SLC16A12: variants seen among roughly 807,000 people sequenced by gnomAD.
SLC16A12 encodes the protein monocarboxylate transporter 12.
A neutral mutation model predicts 42.4 loss-of-function variants in SLC16A12; 17 were observed. The ratio of observed to expected loss-of-function variants is 0.40; its 90% CI spans 0.27 to 0.60. The LOEUF (loss-of-function observed/expected upper bound fraction) is 0.60. SLC16A12 is among the 20% of genes least tolerant of loss of function. The pLI is 0.42. For missense variants in SLC16A12, 544 were observed against 623.0 expected, an observed-to-expected ratio of 0.87 and a Z score of 1.35; for synonymous variants, 224 against 229.4, an observed-to-expected ratio of 0.98 and a Z score of 0.21.
intron 2 of SLC16A12, chr10:89,462,868 C>T (rs909179353): frequency 7.1e-5 from 25 of 350,442 alleles, no homozygotes; most frequent in African/African-American, 1.3e-4. Flanking sequence ...TTTCCCTAGC[C>T]TCTCTTGAAG....
intron 2 of SLC16A12, among the ~76,000 whole-genome samples, chr10:89,507,602 C>T (rs1481972014): frequency 6.6e-6 from 1 of 152,152 alleles, no homozygotes; most frequent in Non-Finnish European, 1.5e-5. Context: ...AAGGAACAAC[C>T]GGCATCAGCC....
At position 89,433,308 on chromosome 10, in the gene SLC16A12, G is replaced by T; in HGVS notation, c.1307C>A (p.Thr436Asn). 6.2e-7 allele frequency: 1 copy of T among 1,614,010 alleles called. No individual in the cohort carries two copies. The highest frequency in any genetic ancestry group is 8.5e-7 in the Non-Finnish European group (1 of 1,179,992). ...PPIAGRLVDT[T>N]GSYTAAFLLC... Reference sequence around the variant, plus strand: ...GAGGAATGCTGCAGTGTAGCTGCCGGTGGTATCTACCAGCCGTCCTGTAAC... The same window carrying T: ...GAGGAATGCTGCAGTGTAGCTGCCGTTGGTATCTACCAGCCGTCCTGTAAC... The change falls in exon 8 of 8, where the codon ACC (threonine) becomes AAC (asparagine). Residue 436 changes from threonine to asparagine, a missense_variant. Thr to Asn is a moderately conservative substitution (Grantham distance 65). Transcript: ENST00000371790.
chr10:89,517,282 C>T (rs56272844), intron 2 of SLC16A12, among the ~76,000 whole-genome samples: 12,015 of 151,658 alleles, frequency 0.079, 750 homozygotes, highest in East Asian at 0.3. Context: ...GGCAGGGCGA[C>T]GGGACAGAAT....
chr10:89,486,716 A>G, intron 2 of SLC16A12, among the ~76,000 whole-genome samples: 1 of 131,632 alleles, frequency 7.6e-6, no homozygotes. Context: ...GAAAGAAAGA[A>G]AAAAAGAGAA....
intron 2 of SLC16A12, among the ~76,000 whole-genome samples, chr10:89,495,595 T>C (rs780526445): frequency 1.3e-5 from 2 of 152,210 alleles, no homozygotes; most frequent in Non-Finnish European, 2.9e-5. Flanking sequence ...CCTAACCCAC[T>C]GACCATCCTA....
At chr10:89,531,470 G>A (rs979052627) in intron 2 of SLC16A12, among the ~76,000 whole-genome samples, 4 of 152,150 alleles carry the variant, frequency 2.6e-5, no homozygotes, top group African/African-American at 4.8e-5. Flanking sequence ...ACCGCTGTAA[G>A]CATGCACCTG....
intron 2 of SLC16A12, among the ~76,000 whole-genome samples, chr10:89,482,549 G>A (rs1290459142): frequency 1.3e-5 from 2 of 152,184 alleles, no homozygotes; most frequent in African/African-American, 4.8e-5. Flanking sequence ...GGGAGGCTGA[G>A]GTGGGCAAAT....
intron 2 of SLC16A12, among the ~76,000 whole-genome samples, chr10:89,515,604 G>A (rs1843238232): frequency 6.6e-6 from 1 of 152,172 alleles, no homozygotes; most frequent in Non-Finnish European, 1.5e-5. Flanking sequence ...CTCAAGAAAA[G>A]GCATATGGTT....
intron 2 of SLC16A12, among the ~76,000 whole-genome samples, chr10:89,489,181 C>T (rs946359157): frequency 6.6e-6 from 1 of 152,138 alleles, no homozygotes; most frequent in Non-Finnish European, 1.5e-5. Flanking sequence ...TTGACCCCAA[C>T]GTTACTGCCC....
At chr10:89,444,820 C>A (rs879578835) in intron 3 of SLC16A12, among the ~76,000 whole-genome samples, 3 of 152,184 alleles carry the variant, frequency 2.0e-5, no homozygotes, top group African/African-American at 4.8e-5. Context: ...ACCCAGGAAG[C>A]ACAAGGGGAT....
At position 89,436,227 on chromosome 10, in the gene SLC16A12, G is replaced by A; in HGVS notation, c.1121C>T (p.Pro374Leu). 1 of 1,614,138 alleles carries A rather than the reference G, an allele frequency of 6.2e-7. No homozygotes were observed. The highest frequency in any genetic ancestry group is 8.5e-7 in the Non-Finnish European group (1 of 1,180,002). ...YLCLPMLQSL[P>L]LLVPFSCTFG... ...GGTACAAGAGAAAGGCACGAGCAGA[G>A]GGAGACTTTGAAGCATTGGGAGGCA... Residue 374 changes from proline (P) to leucine (L), a missense_variant, in exon 7 of 8, where the codon CCT (proline) becomes CTT (leucine). Transcript: ENST00000371790.
At chr10:89,495,216 T>C (rs1842907288) in intron 2 of SLC16A12, among the ~76,000 whole-genome samples, 1 of 151,986 alleles carries the variant, frequency 6.6e-6, no homozygotes, top group African/African-American at 2.4e-5. Flanking sequence ...TACCTGGTAG[T>C]GGTGGTGTGC....
At chr10:89,519,593 C>G (rs903833849) in intron 2 of SLC16A12, among the ~76,000 whole-genome samples, 3 of 151,882 alleles carry the variant, frequency 2.0e-5, no homozygotes, top group Admixed American at 1.3e-4. Flanking sequence ...CACACCAGGG[C>G]GAGGATGAAT....
intron 2 of SLC16A12, among the ~76,000 whole-genome samples, chr10:89,529,549 CTTTT>C (rs140068667): frequency 3.8e-5 from 5 of 129,952 alleles, no homozygotes; most frequent in Admixed American, 7.7e-5. Flanking sequence ...CCTTTACAGT[CTTTT>C]TTTTTTTTTT....
At chr10:89,521,167 G>C (rs1362218796) in intron 2 of SLC16A12, among the ~76,000 whole-genome samples, 1 of 152,180 alleles carries the variant, frequency 6.6e-6, no homozygotes, top group African/African-American at 2.4e-5. Flanking sequence ...CTTCCCCTTA[G>C]TAAGGCTGTC....
At chr10:89,484,850 G>C (rs1347191233) in intron 2 of SLC16A12, among the ~76,000 whole-genome samples, 3 of 152,178 alleles carry the variant, frequency 2.0e-5, no homozygotes, top group African/African-American at 7.2e-5. Flanking sequence ...CCACTCCCCA[G>C]CATGATCTGG....
At chr10:89,445,106 T>G (rs906220727) in intron 3 of SLC16A12, among the ~76,000 whole-genome samples, 4 of 152,226 alleles carry the variant, frequency 2.6e-5, no homozygotes, top group Non-Finnish European at 5.9e-5. Context: ...AAGCTCAAAC[T>G]GGGTGGAGCC....
At chr10:89,534,179 ATTTCT>A (rs1564602689) in intron 2 of SLC16A12, among the ~76,000 whole-genome samples, 1 of 152,166 alleles carries the variant, frequency 6.6e-6, no homozygotes, top group Non-Finnish European at 1.5e-5. Flanking sequence ...TACATCCTTC[ATTTCT>A]TCAGCAAACA....
chr10:89,468,998 T>G (rs1282318987), intron 2 of SLC16A12, among the ~76,000 whole-genome samples: 2 of 152,066 alleles, frequency 1.3e-5, no homozygotes, highest in Non-Finnish European at 2.9e-5. Context: ...AGTGTAGTGG[T>G]GCATGCCGTA....
Sources: allele counts gnomAD v4.1 joint callset (sites outside exome capture counted in the v4.1 genomes callset), GRCh38; gene constraint gnomAD v4.1.1; transcripts MANE v1.5; gene names NCBI Gene and HGNC (gene_info 2026-07-23, HGNC 2026-07-21).